Variants in UNC79 observed in about 807,000 individuals in gnomAD.
UNC79 encodes the protein unc-79 subunit of NALCN channel complex.
Under a neutral mutation model 283.1 loss-of-function variants are expected in UNC79, and 37 were observed. The ratio of observed to expected loss-of-function variants is 0.13; its 90% CI spans 0.10 to 0.17. The LOEUF (loss-of-function observed/expected upper bound fraction) is 0.17. Ranked by LOEUF, UNC79 falls within the 10% of genes least tolerant of loss-of-function variation. UNC79 has a pLI of 1.00. For synonymous variants in UNC79, 1,107 were observed against 1,200.2 expected (o/e 0.92, Z 1.61); for missense variants, 2,272 against 3,211.1 (o/e 0.71, Z 7.07).
At chr14:93,604,101 G>A (rs1256047163) in intron 26 of UNC79, among the ~76,000 whole-genome samples, 1 of 151,988 alleles carries the variant, frequency 6.6e-6, no homozygotes, top group Non-Finnish European at 1.5e-5. Context: ...CTAATGATTA[G>A]TAATGACTCA....
At chr14:93,570,186 C>T (rs557910369) in intron 14 of UNC79, among the ~76,000 whole-genome samples, 2 of 152,282 alleles carry the variant, frequency 1.3e-5, no homozygotes, top group East Asian at 1.9e-4. Flanking sequence ...TGGCCTCAGG[C>T]GATCTTTTTG....
rs774489620 is a variant in UNC79 at position 93,436,484 on chromosome 14, G to GT, written c.22+5443dup. 9.8e-3 allele frequency among the ~76,000 whole-genome samples: 1,433 copies of GT among 146,910 alleles called. 10 individuals carry two copies. Among genetic ancestry groups the GT allele is most frequent in the Non-Finnish European group, 0.011 (754 of 66,310 alleles). On this transcript the variant is annotated intron_variant, in intron 1 of 48. Coordinates refer to ENST00000555664, the Ensembl canonical transcript of UNC79. ...AGGCAGTTTTAGCACACAGCCAACTGTTTTTTTTTTAAGATAAAGTGGCAA... is the reference window on the plus strand; with the variant it reads ...AGGCAGTTTTAGCACACAGCCAACTGTTTTTTTTTTTAAGATAAAGTGGCAA...
At chr14:93,639,906 T>C (rs2068862948) in intron 32 of UNC79, among the ~76,000 whole-genome samples, 1 of 152,258 alleles carries the variant, frequency 6.6e-6, no homozygotes, top group Admixed American at 6.5e-5. Context: ...GGAAAGGTCA[T>C]ACCGGGTTTT....
Position 93,474,343 on chromosome 14 carries a change from C to T in UNC79, c.398C>T (p.Thr133Ile), listed in dbSNP as rs2140324951. Residue 133 changes from threonine (T) to isoleucine (I), a missense_variant, in exon 3 of 49, where the codon ACT becomes ATT. Thr to Ile is a moderately conservative substitution (Grantham distance 89). This residue lies in a region of UNC79 where 194 missense variants were observed against 268.9 expected (regional missense o/e 0.72). Coordinates refer to ENST00000555664, the Ensembl canonical transcript of UNC79. The surrounding 1 kb of genome is among the most constrained non-coding windows in gnomAD (Gnocchi z 4.1). ...TTGGACTACCAAGGCCTCTACGTGA[C>T]TTTGGTGACCCTCCTGGATCTAGTT... is the stretch of plus-strand genomic sequence containing the variant. 1 of 1,536,056 alleles carries T rather than the reference C, an allele frequency of 6.5e-7. No homozygotes were observed. Among genetic ancestry groups the T allele is most frequent in the Middle Eastern group, 1.7e-4 (1 of 5,988 alleles).
chr14:93,593,548 T>A lies in UNC79; in HGVS notation c.3033-132T>A. 4 of 987,194 alleles carry A rather than the reference T, an allele frequency of 4.1e-6. No homozygotes were observed. The South Asian group carries it at 6.8e-5, about 17-fold the overall frequency. 61.2% of individuals were successfully genotyped at this position (987,194 alleles called of 1,614,324 possible). A position where few individuals can be genotyped will look rare whatever the true frequency, so the allele number is the denominator to read the frequency against. ...TGTCAGAGGATTATCCTCTCGTGGA[T>A]GAGTGTCATTTCACCAAAAGCACCC... On this transcript the variant is annotated intron_variant, in intron 22 of 48. Coordinates refer to ENST00000555664, the Ensembl canonical transcript of UNC79.
intron 1 of UNC79, among the ~76,000 whole-genome samples, chr14:93,458,838 C>G (rs1202117712): frequency 6.6e-6 from 1 of 152,064 alleles, no homozygotes; most frequent in Non-Finnish European, 1.5e-5. Flanking sequence ...GTTTTGTCTC[C>G]AAGGATCTTA....
At chr14:93,392,681 C>T (rs991864746) in intron 1 of UNC79, among the ~76,000 whole-genome samples, 4 of 152,290 alleles carry the variant, frequency 2.6e-5, no homozygotes, top group Admixed American at 2.6e-4. Flanking sequence ...TCACATATCC[C>T]TTCAGTTCCT....
chr14:93,668,849 C>CAAA (rs35266903), intron 40 of UNC79, among the ~76,000 whole-genome samples: 2 of 74,426 alleles, frequency 2.7e-5, no homozygotes. Flanking sequence ...GTGTCCTTCA[C>CAAA]AAAAAAAAAA....
chr14:93,502,684 TCC>T (rs942374870), intron 7 of UNC79, among the ~76,000 whole-genome samples: 1 of 152,172 alleles, frequency 6.6e-6, no homozygotes, highest in Non-Finnish European at 1.5e-5. Context: ...TTGTTCAGTT[TCC>T]ATTTGAACTA....
intron 1 of UNC79, among the ~76,000 whole-genome samples, chr14:93,444,797 C>T (rs1305337077): frequency 2.6e-5 from 4 of 152,122 alleles, no homozygotes; most frequent in Non-Finnish European, 1.5e-5. Context: ...TACTATCAGT[C>T]TTCCAACTTT....
chr14:93,700,971 C>T (rs2075486173), intron 47 of UNC79, among the ~76,000 whole-genome samples: 1 of 151,644 alleles, frequency 6.6e-6, no homozygotes, highest in Non-Finnish European at 1.5e-5. Context: ...CAGCTGAAGA[C>T]TCAGGGGGAT....
intron 1 of UNC79, among the ~76,000 whole-genome samples, chr14:93,419,064 G>A (rs2055532175): frequency 6.6e-6 from 1 of 151,664 alleles, no homozygotes; most frequent in Admixed American, 6.6e-5. Context: ...TCCCTAGTGA[G>A]ATGAACCCGG....
At chr14:93,342,062 G>C (rs2053725345) in intron 1 of UNC79, among the ~76,000 whole-genome samples, 1 of 152,138 alleles carries the variant, frequency 6.6e-6, no homozygotes, top group African/African-American at 2.4e-5. Flanking sequence ...TCTTCTCACA[G>C]CTCCACTAGG....
At chr14:93,519,281 C>A (rs1225273182) in intron 7 of UNC79, among the ~76,000 whole-genome samples, 1 of 151,750 alleles carries the variant, frequency 6.6e-6, no homozygotes, top group Non-Finnish European at 1.5e-5. Flanking sequence ...AAATCTATTT[C>A]TCTGATATTA....
In UNC79 at chr14:93,335,572, A is replaced by G. The variant is rs547838305; in HGVS notation, c.-351+2049A>G. 4.6e-4 allele frequency among the ~76,000 whole-genome samples: 70 copies of G among 152,336 alleles called. 1 individual carries two copies. In the South Asian group the frequency reaches 0.014, roughly 30 times the overall value. On this transcript the variant is annotated intron_variant, in intron 1 of 49. Coordinates refer to the UNC79 transcript ENST00000256339. Reference sequence around the variant, plus strand: ...AGATCTGGATGGCCATATGACACAAATAGGTCAACCAGAACCTTTTCTGGA... The same window carrying G: ...AGATCTGGATGGCCATATGACACAAGTAGGTCAACCAGAACCTTTTCTGGA...
intron 1 of UNC79, chr14:93,347,289 C>A (rs1418986834): frequency 1.2e-6 from 2 of 1,605,288 alleles, no homozygotes; most frequent in Non-Finnish European, 1.7e-6. Context: ...TGCGTGGGCG[C>A]TGTCCTGCCC....
chr14:93,527,816 A>G (rs1034358567), intron 8 of UNC79, among the ~76,000 whole-genome samples: 4 of 152,198 alleles, frequency 2.6e-5, no homozygotes, highest in African/African-American at 9.7e-5. Flanking sequence ...GCAGTTAGTT[A>G]TCTAGATTTT....
intron 14 of UNC79, among the ~76,000 whole-genome samples, chr14:93,551,713 G>C (rs2061909930): frequency 6.6e-6 from 1 of 152,346 alleles, no homozygotes; most frequent in East Asian, 1.9e-4. Context: ...TGAGGTAGTG[G>C]TGTGGGTTTT....
At chr14:93,529,896 G>T (rs1389080264) in intron 10 of UNC79, among the ~76,000 whole-genome samples, 1 of 152,130 alleles carries the variant, frequency 6.6e-6, no homozygotes. Context: ...CCTATAAGTT[G>T]GTAGGTCCCA....
Sources: gnomAD v4.1 joint callset for allele counts (sites outside exome capture counted in the v4.1 genomes callset) on GRCh38, gnomAD v4.1.1 for gene constraint, gnomAD v4.1.1 regional missense constraint, Gnocchi (gnomAD v3.1) non-coding constraint, MANE v1.5 for transcripts, NCBI Gene and HGNC (gene_info 2026-07-23, HGNC 2026-07-21) for gene names.